Variants in CTBS observed in about 807,000 individuals in gnomAD.
CTBS encodes di-N-acetylchitobiase.
A neutral mutation model predicts 44.3 loss-of-function variants in CTBS; 35 were observed. The observed-to-expected ratio is 0.79, with a 90% CI of 0.60 to 1.05. CTBS has a LOEUF of 1.05. Among genes scored for constraint, CTBS ranks in the 50% least tolerant of loss-of-function variants. The pLI is 0.00. For synonymous variants in CTBS, 143 were observed against 168.0 expected (o/e 0.85, Z 1.15); for missense variants, 458 against 475.3 (o/e 0.96, Z 0.34).
Position 84,563,333 on chromosome 1 carries a change from A to G in CTBS, c.881T>C (p.Ile294Thr), listed in dbSNP as rs1292555122. 6.3e-7 allele frequency: 1 copy of G among 1,599,038 alleles called. No homozygotes were observed. Among genetic ancestry groups the G allele is most frequent in the Non-Finnish European group, 8.5e-7 (1 of 1,173,372 alleles). Reference sequence around the variant, plus strand: ...AATAGAACTATTTATTTGCTTCATGATCGTTTTGTAGGGCACCTGACGTCC... The same window carrying G: ...AATAGAACTATTTATTTGCTTCATGGTCGTTTTGTAGGGCACCTGACGTCC... Reference protein sequence around the residue: ...AAGRQVPYKTIMKQINSSISG... With the variant: ...AAGRQVPYKTTMKQINSSISG... Residue 294 changes from isoleucine to threonine, a missense_variant, in exon 6 of 7, where the codon ATC (isoleucine) becomes ACC (threonine). By Grantham distance (89) the Ile-to-Thr change is moderately conservative. Coordinates refer to ENST00000370630, the MANE Select transcript of CTBS (RefSeq NM_004388.3).
chr1:84,573,821 A>T, intron 1 of CTBS: 1 of 953,950 alleles, frequency 1.0e-6, no homozygotes, highest in Non-Finnish European at 1.3e-6. Flanking sequence ...AACTAAAGGT[A>T]AGCAAAATAC....
intron 6 of CTBS, among the ~76,000 whole-genome samples, chr1:84,562,457 AT>A (rs1055369709): frequency 6.6e-6 from 1 of 152,174 alleles, no homozygotes; most frequent in African/African-American, 2.4e-5. Flanking sequence ...GTTTGCAGTC[AT>A]TTTTTTATAA....
intron 1 of CTBS, among the ~76,000 whole-genome samples, chr1:84,572,677 CT>C (rs1647349121): frequency 6.9e-6 from 1 of 145,882 alleles, no homozygotes; most frequent in Non-Finnish European, 1.5e-5. Context: ...TTTTTTTTCT[CT>C]TTTTTGAGAC....
rs1217024121 is a variant in CTBS, at chr1:84,554,866, T to A, written c.*133A>T. 2.8e-6 allele frequency: 2 copies of A among 714,556 alleles called. No homozygotes were observed. The highest frequency in any genetic ancestry group is 3.6e-5 in the African/African-American group (2 of 55,718). The allele number at this position is 714,556 out of a possible 1,614,324, so 44.3% of individuals were successfully genotyped here. A position where few individuals can be genotyped will look rare whatever the true frequency, so the allele number is the denominator to read the frequency against. ...GTGTGTATTTTTCAAATTCAAACAA[T>A]CAAAACATTTATTTATTCTTTTTTT... On this transcript the variant is annotated 3_prime_UTR_variant, in exon 7 of 7. Transcript: ENST00000370630.
chr1:84,550,575 G>C lies in CTBS; in HGVS notation c.*4424C>G. 1 of 1,444,978 alleles carries C rather than the reference G, an allele frequency of 6.9e-7. No individual in the cohort carries two copies. The highest frequency in any genetic ancestry group is 1.5e-5 in the South Asian group (1 of 65,784). 89.5% of individuals were successfully genotyped at this position (1,444,978 alleles called of 1,614,324 possible). On this transcript the variant is annotated 3_prime_UTR_variant, in exon 7 of 7. Transcript: ENST00000370630. ...ATCAGATTATTATAACATTTATCTT[G>C]AAATAAAATATTTTGGTGTTTTAAC...
Position 84,552,959 on chromosome 1 carries a change from T to C in CTBS, c.*2040A>G, listed in dbSNP as rs1244175544. On this transcript the variant is annotated 3_prime_UTR_variant, in exon 7 of 7. Transcript: ENST00000370630. ...ACAGTTAAAGCGGTTACAAAAACCCTGTTTACATGACAACTATGATGTACT... is the reference window on the plus strand; with the variant it reads ...ACAGTTAAAGCGGTTACAAAAACCCCGTTTACATGACAACTATGATGTACT... 2 of 980,792 alleles carry C rather than the reference T, an allele frequency of 2.0e-6. No homozygotes were observed. Among genetic ancestry groups the C allele is most frequent in the Non-Finnish European group, 3.0e-6 (2 of 668,048 alleles). 60.8% of individuals were successfully genotyped at this position (980,792 alleles called of 1,614,324 possible). A position where few individuals can be genotyped will look rare whatever the true frequency, so the allele number is the denominator to read the frequency against.
At chr1:84,557,533 C>CAAAA (rs56101174) in intron 6 of CTBS, among the ~76,000 whole-genome samples, 6 of 55,428 alleles carry the variant, frequency 1.1e-4, no homozygotes, top group Admixed American at 2.7e-4. Context: ...AACTCCATCT[C>CAAAA]AAAAAAAAAA....
At chr1:84,573,924 C>CT (rs1647389757) in intron 1 of CTBS, 5 of 1,262,394 alleles carry the variant, frequency 4.0e-6, no homozygotes, top group Non-Finnish European at 5.0e-6. Context: ...ACCTTGTTTG[C>CT]TTTTTACACC....
rs1420678894 is a variant in CTBS at position 84,549,759 on chromosome 1, AAAGT to A, written c.*5236_*5239del. On this transcript the variant is annotated 3_prime_UTR_variant, in exon 7 of 7. Coordinates refer to ENST00000370630, the MANE Select transcript of CTBS (RefSeq NM_004388.3). ...TTTTAAAATATGTTAACTATGATTA[AAAGT>A]AAGGATTTAACTTTAGACAAGATGA... 5.9e-5 allele frequency: 9 copies of A among 152,242 alleles called. No homozygotes were observed. The highest frequency in any genetic ancestry group is 5.9e-4 in the Admixed American group (9 of 15,284). The allele number at this position is 152,242 out of a possible 1,614,324, so 9.4% of individuals were successfully genotyped here.
At chr1:84,569,700 G>GT (rs1388661904) in intron 3 of CTBS, among the ~76,000 whole-genome samples, 1 of 152,206 alleles carries the variant, frequency 6.6e-6, no homozygotes, top group Admixed American at 6.5e-5. Flanking sequence ...TACAAGGCAA[G>GT]TAGTGGGGGT....
At chr1:84,560,337 A>T (rs1159371163) in intron 6 of CTBS, among the ~76,000 whole-genome samples, 1 of 152,114 alleles carries the variant, frequency 6.6e-6, no homozygotes, top group Non-Finnish European at 1.5e-5. Context: ...CATGAGAAGA[A>T]ATCCTTCACA....
rs1014524824 is a variant in CTBS, at chr1:84,552,304, A to T, written c.*2695T>A. The T allele has an allele frequency of 7.9e-5, 12 of 152,210 alleles. No homozygotes were observed. Among genetic ancestry groups the T allele is most frequent in the African/African-American group, 2.9e-4 (12 of 41,450 alleles). The allele number at this position is 152,210 out of a possible 1,614,324, so 9.4% of individuals were successfully genotyped here. A position where few individuals can be genotyped will look rare whatever the true frequency, so the allele number is the denominator to read the frequency against. ...TGAGGATCCTGTTTAAAAATGCAGG[A>T]TCTGACTCAGTAGGTCTGGGTGCAG... On this transcript the variant is annotated 3_prime_UTR_variant, in exon 7 of 7. Coordinates refer to ENST00000370630, the MANE Select transcript of CTBS (RefSeq NM_004388.3).
chr1:84,574,333 AGC>A lies in CTBS; in HGVS notation c.81_82del (p.Leu28GlyfsTer19). 1 of 1,569,348 alleles carries A rather than the reference AGC, an allele frequency of 6.4e-7. No homozygotes were observed. The highest frequency in any genetic ancestry group is 8.6e-7 in the Non-Finnish European group (1 of 1,157,676). ...CGCGAGCCGCAGCGCCAGCAGCGCCAGCAGCGCCAGCAGCGCTAGACCCGGGA... is the reference window on the plus strand; with the variant it reads ...CGCGAGCCGCAGCGCCAGCAGCGCCAAGCGCCAGCAGCGCTAGACCCGGGA... On this transcript the variant is annotated frameshift_variant, in exon 1 of 7. Transcript: ENST00000370630. LOFTEE classifies it high-confidence loss of function.
Position 84,568,336 on chromosome 1 carries a change from AG to A in CTBS, c.525+1594del, listed in dbSNP as rs200433413. On this transcript the variant is annotated intron_variant, in intron 3 of 6. Coordinates refer to ENST00000370630, the MANE Select transcript of CTBS (RefSeq NM_004388.3). ...AAAGTTTCTGAGGCCAAAATGTGTGAGGAGGAGAAGGGGTATTGTGGCCTGT... is the reference window on the plus strand; with the variant it reads ...AAAGTTTCTGAGGCCAAAATGTGTGAGAGGAGAAGGGGTATTGTGGCCTGT... Among the ~76,000 whole-genome samples, 585 of 152,274 alleles carry A rather than the reference AG, an allele frequency of 3.8e-3. 3 individuals carry two copies. Among genetic ancestry groups the A allele is most frequent in the African/African-American group, 0.013 (556 of 41,530 alleles).
Position 84,553,297 on chromosome 1 carries a change from G to A in CTBS, c.*1702C>T. The A allele has an allele frequency of 2.7e-6, 1 of 369,428 alleles. No homozygotes were observed. Among genetic ancestry groups the A allele is most frequent in the Non-Finnish European group, 5.0e-6 (1 of 200,612 alleles). 22.9% of individuals were successfully genotyped at this position (369,428 alleles called of 1,614,324 possible). A position where few individuals can be genotyped will look rare whatever the true frequency, so the allele number is the denominator to read the frequency against. On this transcript the variant is annotated 3_prime_UTR_variant, in exon 7 of 7. Coordinates refer to ENST00000370630, the MANE Select transcript of CTBS (RefSeq NM_004388.3). ...CAGGAAATATTAGATGTAATATAAA[G>A]CAAAATGATGAATGGTTATTTTTAA...
At position 84,574,225 on chromosome 1, in the gene CTBS, A is replaced by T; in HGVS notation, c.177+14T>A. On this transcript the variant is annotated intron_variant, in intron 1 of 6. Transcript: ENST00000370630. ...CTGAAGCCCAGACCTAGAGGAGCAG[A>T]GGAAGGCGCTGACCTCGAAATCTGG... The T allele has an allele frequency of 3.1e-6, 5 of 1,603,542 alleles. No individual in the cohort carries two copies. Among genetic ancestry groups the T allele is most frequent in the Non-Finnish European group, 4.3e-6 (5 of 1,175,758 alleles).
rs1268578518 is a variant in CTBS at position 84,551,750 on chromosome 1, A to C, written c.*3249T>G. ...CAAAATATCAGTTAAATATGCACTC[A>C]AAAAATAATTTGTTCAATGAAGGAA... On this transcript the variant is annotated 3_prime_UTR_variant, in exon 7 of 7. Coordinates refer to ENST00000370630, the MANE Select transcript of CTBS (RefSeq NM_004388.3). 6.6e-6 allele frequency: 1 copy of C among 152,158 alleles called. No individual in the cohort carries two copies. Among genetic ancestry groups the C allele is most frequent in the East Asian group, 1.9e-4 (1 of 5,202 alleles). The allele number at this position is 152,158 out of a possible 1,614,324, so 9.4% of individuals were successfully genotyped here. A position where few individuals can be genotyped will look rare whatever the true frequency, so the allele number is the denominator to read the frequency against.
intron 6 of CTBS, among the ~76,000 whole-genome samples, chr1:84,561,188 G>C (rs909680118): frequency 1.3e-5 from 2 of 152,184 alleles, no homozygotes; most frequent in Admixed American, 1.3e-4. Flanking sequence ...ATGCATGGGA[G>C]GAGGTCAAAA....
intron 6 of CTBS, among the ~76,000 whole-genome samples, chr1:84,560,097 A>AAAAGAAAGAAAG (rs59549626): frequency 7.0e-5 from 8 of 114,720 alleles, no homozygotes; most frequent in East Asian, 2.5e-4. Context: ...AAAAAAAAAA[A>AAAAGAAAGAAAG]AAAGAAAGAA....
Sources: allele counts gnomAD v4.1 joint callset (sites outside exome capture counted in the v4.1 genomes callset), GRCh38; gene constraint gnomAD v4.1.1; transcripts MANE v1.5; gene names NCBI Gene and HGNC (gene_info 2026-07-23, HGNC 2026-07-21).